The following RPGRIP1 variants were observed in gnomAD, a reference collection of about 807,000 sequenced individuals.
RPGRIP1 encodes the protein RPGR interacting protein 1.
A neutral mutation model predicts 157.9 loss-of-function variants in RPGRIP1; 128 were observed. That is an observed-to-expected ratio of 0.81 (90% CI 0.70 to 0.94). RPGRIP1 has a LOEUF of 0.94. Ranked by LOEUF, RPGRIP1 falls within the 40% of genes least tolerant of loss-of-function variation. The probability of loss-of-function intolerance (pLI) is 0.00; values close to 1 mark genes in which losing one functional copy is unlikely to be tolerated. For missense variants in RPGRIP1, 1,486 were observed against 1,545.8 expected, an observed-to-expected ratio of 0.96 and a Z score of 0.65; for synonymous variants, 554 against 571.6, an observed-to-expected ratio of 0.97 and a Z score of 0.44.
chr14:21,303,601 C>T lies in RPGRIP1; in HGVS notation c.800+58C>T, dbSNP rs554131291. Reference sequence around the variant, plus strand: ...AACGAACTGAAAAAGCTAAGAGATTCTTATTTATACCTTTCCTCCATCTCA... The same window carrying T: ...AACGAACTGAAAAAGCTAAGAGATTTTTATTTATACCTTTCCTCCATCTCA... On this transcript the variant is annotated intron_variant, in intron 6 of 24. Coordinates refer to ENST00000400017, the MANE Select transcript of RPGRIP1 (RefSeq NM_020366.4). 2.6e-5 allele frequency: 33 copies of T among 1,273,378 alleles called. No homozygotes were observed. In the East Asian group the frequency reaches 6.7e-4, roughly 26 times the overall value. 78.9% of individuals were successfully genotyped at this position (1,273,378 alleles called of 1,614,324 possible).
intron 23 of RPGRIP1, among the ~76,000 whole-genome samples, chr14:21,345,828 T>C (rs1402290594): frequency 6.6e-6 from 1 of 150,504 alleles, no homozygotes; most frequent in Non-Finnish European, 1.5e-5. Flanking sequence ...TTGACATTCT[T>C]CTTTTTTTTG....
intron 20 of RPGRIP1, among the ~76,000 whole-genome samples, chr14:21,333,722 A>G (rs1454546406): frequency 1.3e-5 from 2 of 152,104 alleles, no homozygotes; most frequent in Non-Finnish European, 2.9e-5. Flanking sequence ...ACAGCAAGGT[A>G]CAAGTCCATG....
At chr14:21,319,956 A>C in intron 11 of RPGRIP1, 61 bp from the exon 12 acceptor site, 1 of 1,466,940 alleles carries the variant, frequency 6.8e-7, no homozygotes, top group South Asian at 1.2e-5. Flanking sequence ...CACTTGATCC[A>C]ACTCTGACCA....
intron 10 of RPGRIP1, among the ~76,000 whole-genome samples, chr14:21,313,959 T>C (rs891256650): frequency 6.7e-6 from 1 of 150,282 alleles, no homozygotes; most frequent in Non-Finnish European, 1.5e-5. Flanking sequence ...TTTTTTTTTT[T>C]TCTCTTGAGA....
At chr14:21,289,865 A>ATTT (rs71419123) in intron 2 of RPGRIP1, among the ~76,000 whole-genome samples, 83 of 150,998 alleles carry the variant, frequency 5.5e-4, no homozygotes, top group Middle Eastern at 3.4e-3. Context: ...TCATAGCAGT[A>ATTT]TTTTTTTTTG....
intron 7 of RPGRIP1, among the ~76,000 whole-genome samples, chr14:21,308,608 A>T (rs564558548): frequency 6.6e-6 from 1 of 152,192 alleles, no homozygotes; most frequent in Non-Finnish European, 1.5e-5. Context: ...CTCTTGTCTC[A>T]CGCGAATTAG....
At chr14:21,297,866 T>TTTCTTTCG (rs1237161909) in intron 3 of RPGRIP1, among the ~76,000 whole-genome samples, 1 of 151,072 alleles carries the variant, frequency 6.6e-6, no homozygotes, top group Non-Finnish European at 1.5e-5. Flanking sequence ...TCTTTCTTTC[T>TTTCTTTCG]TTCTTTCTTT....
chr14:21,321,244 C>A lies in RPGRIP1; in HGVS notation c.1468-15C>A, dbSNP rs557262153. 3 of 1,606,962 alleles carry A rather than the reference C, an allele frequency of 1.9e-6. No homozygotes were observed. The highest frequency in any genetic ancestry group is 2.2e-5 in the East Asian group (1 of 44,868). Reference sequence around the variant, plus strand: ...ATATTTATACTCCCTTTTACCAATGCGTTTCCCTCTACAGCCAAGTGAACC... The same window carrying A: ...ATATTTATACTCCCTTTTACCAATGAGTTTCCCTCTACAGCCAAGTGAACC... On this transcript the variant is annotated splice_polypyrimidine_tract_variant and intron_variant, in intron 12 of 24. Coordinates refer to ENST00000400017, the MANE Select transcript of RPGRIP1 (RefSeq NM_020366.4).
intron 10 of RPGRIP1, among the ~76,000 whole-genome samples, chr14:21,316,879 G>A (rs1881840523): frequency 6.6e-6 from 1 of 152,034 alleles, no homozygotes; most frequent in African/African-American, 2.4e-5. Context: ...CAACACTTTG[G>A]GAGGCCGAGG....
intron 2 of RPGRIP1, among the ~76,000 whole-genome samples, chr14:21,290,767 C>T (rs1408905448): frequency 1.3e-5 from 2 of 150,424 alleles, no homozygotes; most frequent in South Asian, 2.1e-4. Flanking sequence ...TGCAGTGAGC[C>T]GAGATCGCGC....
chr14:21,333,951 A>C (rs149228965), intron 20 of RPGRIP1, among the ~76,000 whole-genome samples: 5,524 of 140,132 alleles, frequency 0.039, 163 homozygotes, highest in Non-Finnish European at 0.064. Flanking sequence ...TTTGAGACAG[A>C]GTCTCTTGTC....
At chr14:21,325,093 G>A (rs748522158) in intron 15 of RPGRIP1, 23 bp downstream of exon 15, 48 of 1,585,484 alleles carry the variant, frequency 3.0e-5, no homozygotes, top group South Asian at 1.1e-4. Context: ...GGCTTCCTGC[G>A]GCTCCTAAGC....
chr14:21,306,938 G>A (rs1881339672), intron 6 of RPGRIP1, among the ~76,000 whole-genome samples: 1 of 150,440 alleles, frequency 6.6e-6, no homozygotes, highest in South Asian at 2.1e-4. Context: ...ACCACACCCA[G>A]CTAATTTTTG....
rs534844544 is a variant in RPGRIP1 at position 21,326,364 on chromosome 14, T to A, written c.2710+191T>A. Among the ~76,000 whole-genome samples the A allele has an allele frequency of 2.0e-5, 3 of 152,282 alleles. No homozygotes were observed. In the East Asian group the frequency reaches 5.8e-4, roughly 29 times the overall value. ...CACTACTTGTGTGGAAACACTGGCT[T>A]CTTCTGCTTCTTTTCAGCCACAAAG... On this transcript the variant is annotated intron_variant, in intron 17 of 24. Coordinates refer to ENST00000400017, the MANE Select transcript of RPGRIP1 (RefSeq NM_020366.4).
At chr14:21,350,926 CT>C (rs1445114897) in intron 24 of RPGRIP1, among the ~76,000 whole-genome samples, 177 bp from the exon 25 acceptor site, 1 of 152,182 alleles carries the variant, frequency 6.6e-6, no homozygotes, top group Admixed American at 6.5e-5. Context: ...GCAACTTGTG[CT>C]TCCATTTATT....
rs1031990897 is a variant in RPGRIP1 at position 21,340,559 on chromosome 14, G to A, written c.3340-2477G>A. Among the ~76,000 whole-genome samples the A allele has an allele frequency of 4.6e-5, 7 of 152,126 alleles. No homozygotes were observed. The East Asian group carries it at 1.3e-3, about 29-fold the overall frequency. On this transcript the variant is annotated intron_variant, in intron 21 of 24. Transcript: ENST00000400017. ...AGTCCCAGCTACTCAGGAGGCTGGG[G>A]CAGGAGAATCGCTTGAACCTGGGAG...
At chr14:21,298,135 G>C (rs1436780220) in intron 3 of RPGRIP1, among the ~76,000 whole-genome samples, 1 of 152,024 alleles carries the variant, frequency 6.6e-6, no homozygotes, top group Non-Finnish European at 1.5e-5. Context: ...TTAGGCAGTG[G>C]ACTTGTTTTG....
intron 10 of RPGRIP1, 64 bp from the exon 11 acceptor site, chr14:21,317,632 A>T: frequency 6.4e-7 from 1 of 1,553,214 alleles, no homozygotes; most frequent in Non-Finnish European, 8.7e-7. Flanking sequence ...CTGAAACTGG[A>T]TAATAAAGAC....
chr14:21,291,822 C>T (rs578174942), intron 2 of RPGRIP1, among the ~76,000 whole-genome samples: 1 of 151,974 alleles, frequency 6.6e-6, no homozygotes, highest in East Asian at 1.9e-4. Context: ...GGCAACGGTG[C>T]GATCTTGGCC....
Sources: allele counts gnomAD v4.1 joint callset (sites outside exome capture counted in the v4.1 genomes callset), GRCh38; gene constraint gnomAD v4.1.1; transcripts MANE v1.5; gene names NCBI Gene and HGNC (gene_info 2026-07-23, HGNC 2026-07-21).